ZNF654: variants seen among roughly 807,000 people sequenced by gnomAD.
The protein encoded by ZNF654 is zinc finger protein 654.
In ZNF654, 19 loss-of-function variants were observed where a neutral mutation model predicts 95.3. The ratio of observed to expected loss-of-function variants is 0.20; its 90% CI spans 0.14 to 0.29. ZNF654 has a LOEUF of 0.29. Among genes scored for constraint, ZNF654 ranks in the 10% least tolerant of loss-of-function variants. The pLI is 1.00. For missense variants in ZNF654, 1,046 were observed against 1,341.0 expected (o/e 0.78, Z 3.44); for synonymous variants, 413 against 457.9 (o/e 0.90, Z 1.25).
At chr3:88,119,278 C>T (rs944201659) in intron 3 of ZNF654, among the ~76,000 whole-genome samples, 7 of 145,512 alleles carry the variant, frequency 4.8e-5, no homozygotes, top group African/African-American at 1.0e-4. Flanking sequence ...AGTAAACTAT[C>T]GCAAGAACAA....
At chr3:88,088,756 G>GGA (rs372346726) in intron 2 of ZNF654, among the ~76,000 whole-genome samples, 12,226 of 143,284 alleles carry the variant, frequency 0.085, 498 homozygotes, top group East Asian at 0.14. Context: ...ATGTATGTAT[G>GGA]TATGTATGGA....
intron 1 of ZNF654, among the ~76,000 whole-genome samples, chr3:88,075,798 A>G (rs1707769058): frequency 6.6e-6 from 1 of 151,410 alleles, no homozygotes; most frequent in Non-Finnish European, 1.5e-5. Context: ...TATCTCTTGT[A>G]GTGTCTTCCG....
chr3:88,120,625 A>T (rs1705708906), intron 3 of ZNF654, among the ~76,000 whole-genome samples: 2 of 152,122 alleles, frequency 1.3e-5, no homozygotes, highest in African/African-American at 4.8e-5. Context: ...AATACCTAAG[A>T]CCAGGGTCTC....
chr3:88,074,862 C>T (rs559954428), intron 1 of ZNF654, among the ~76,000 whole-genome samples: 11 of 152,108 alleles, frequency 7.2e-5, no homozygotes, highest in Non-Finnish European at 1.6e-4. Context: ...TAAACCTCAC[C>T]AGGCTCACCA....
In ZNF654 at chr3:88,059,439, T is replaced by A. The variant is rs1247840831; in HGVS notation, c.120T>A (p.Ala40=). Residue 40 remains alanine, a synonymous_variant, in exon 1 of 9, where the codon GCT becomes GCA. Coordinates refer to ENST00000636215, the MANE Select transcript of ZNF654 (RefSeq NM_001350134.2). Reference sequence around the variant, plus strand: ...CTGCGGGCGACGGCAGAGGCGGCGCTGGCAGCGGCAACTGCGGCGGCGGCG... The same window carrying A: ...CTGCGGGCGACGGCAGAGGCGGCGCAGGCAGCGGCAACTGCGGCGGCGGCG... The part of the protein sequence containing the change: ...LRAAGDGRGG[A]GSGNCGGGVG... 7.9e-6 allele frequency: 12 copies of A among 1,521,072 alleles called. No individual in the cohort carries two copies. In the African/African-American group the frequency reaches 1.5e-4, roughly 19 times the overall value. 94.2% of individuals were successfully genotyped at this position (1,521,072 alleles called of 1,614,324 possible). A position where few individuals can be genotyped will look rare whatever the true frequency, so the allele number is the denominator to read the frequency against.
intron 3 of ZNF654, among the ~76,000 whole-genome samples, chr3:88,117,244 C>T (rs1705468848): frequency 6.6e-6 from 1 of 152,090 alleles, no homozygotes; most frequent in African/African-American, 2.4e-5. Context: ...TACTTACAGA[C>T]ATAACTTGAT....
rs6551276 is a variant in ZNF654 at position 88,143,334 on chromosome 3, T to C, written c.*1682T>C. 142,005 of 152,292 alleles carry C rather than the reference T, an allele frequency of 0.93. 66,334 individuals carry two copies. The highest frequency in any genetic ancestry group is 0.98 in the African/African-American group (40,798 of 41,546). 9.4% of individuals were successfully genotyped at this position (152,292 alleles called of 1,614,324 possible). A position where few individuals can be genotyped will look rare whatever the true frequency, so the allele number is the denominator to read the frequency against. On this transcript the variant is annotated 3_prime_UTR_variant, in exon 9 of 9. Coordinates refer to ENST00000636215, the MANE Select transcript of ZNF654 (RefSeq NM_001350134.2). ...AAATTTGTTTCTGTTATGTAGCCTATATTAGGCTGTGGAATTTACATTTAG... is the reference window on the plus strand; with the variant it reads ...AAATTTGTTTCTGTTATGTAGCCTACATTAGGCTGTGGAATTTACATTTAG...
At chr3:88,060,347 A>C (rs1410040165) in intron 1 of ZNF654, among the ~76,000 whole-genome samples, 2 of 152,192 alleles carry the variant, frequency 1.3e-5, no homozygotes, top group Non-Finnish European at 2.9e-5. Context: ...AAGTGTTTGT[A>C]ATCAAATATA....
chr3:88,126,824 G>T (rs1404617471), intron 4 of ZNF654, among the ~76,000 whole-genome samples: 3 of 151,998 alleles, frequency 2.0e-5, no homozygotes, highest in African/African-American at 7.2e-5. Flanking sequence ...CTAACTGAAT[G>T]AATAAATTTG....
intron 2 of ZNF654, among the ~76,000 whole-genome samples, chr3:88,100,455 C>T (rs966962626): frequency 1.3e-5 from 2 of 152,168 alleles, no homozygotes; most frequent in Non-Finnish European, 2.9e-5. Context: ...CCATTTGACC[C>T]AGCCATCCCA....
At chr3:88,070,619 T>C (rs1314225132) in intron 1 of ZNF654, among the ~76,000 whole-genome samples, 1 of 150,706 alleles carries the variant, frequency 6.6e-6, no homozygotes, top group Non-Finnish European at 1.5e-5. Context: ...GCCCATTTAA[T>C]TTTATATACT....
At chr3:88,088,744 T>TTATG (rs10574923) in intron 2 of ZNF654, among the ~76,000 whole-genome samples, 57 of 148,628 alleles carry the variant, frequency 3.8e-4, no homozygotes, top group African/African-American at 1.1e-3. Flanking sequence ...AAACCTTTAT[T>TTATG]TATGTATGTA....
intron 2 of ZNF654, among the ~76,000 whole-genome samples, chr3:88,100,801 G>T (rs946822810): frequency 1.3e-5 from 2 of 152,084 alleles, no homozygotes; most frequent in African/African-American, 4.8e-5. Context: ...CACACAGCGG[G>T]GCCTGTCATG....
In ZNF654 at chr3:88,138,764, C is replaced by T. The variant is rs1170999130; in HGVS notation, c.1095C>T (p.Asp365=). The T allele has an allele frequency of 2.4e-6, 3 of 1,231,882 alleles. No individual in the cohort carries two copies. In the South Asian group the frequency reaches 1.2e-4, roughly 51 times the overall value. The allele number at this position is 1,231,882 out of a possible 1,614,324, so 76.3% of individuals were successfully genotyped here. A position where few individuals can be genotyped will look rare whatever the true frequency, so the allele number is the denominator to read the frequency against. ...VEICGCALQL[D]LHDDPKTKCL... ...TATGTGGTTGTGCTCTACAACTCGA[C>T]CTTCATGATGATCCCAAAACTAAAT... The change falls in exon 8 of 9, where the codon GAC becomes GAT. Residue 365 remains aspartate, a synonymous_variant. Transcript: ENST00000636215.
At chr3:88,129,067 C>CAAA in intron 5 of ZNF654, 56 bp downstream of exon 5, 2 of 1,036,172 alleles carry the variant, frequency 1.9e-6, no homozygotes, top group Non-Finnish European at 2.6e-6. Context: ...AAAAAAAAAC[C>CAAA]AAAAAAAAAA....
intron 1 of ZNF654, among the ~76,000 whole-genome samples, chr3:88,081,964 A>C (rs1253176681): frequency 2.0e-5 from 3 of 152,176 alleles, no homozygotes; most frequent in African/African-American, 4.8e-5. Flanking sequence ...AGACTAACCT[A>C]ATGTGTTTTA....
At chr3:88,134,657 A>C (rs1706664456) in intron 6 of ZNF654, among the ~76,000 whole-genome samples, 1 of 152,140 alleles carries the variant, frequency 6.6e-6, no homozygotes, top group Non-Finnish European at 1.5e-5. Context: ...TTGAAAATGA[A>C]AAATATGAAC....
At chr3:88,063,427 G>T (rs1234991209) in intron 1 of ZNF654, among the ~76,000 whole-genome samples, 2 of 152,116 alleles carry the variant, frequency 1.3e-5, no homozygotes, top group African/African-American at 4.8e-5. Flanking sequence ...AAGAGAGTTT[G>T]TCCCATGGTA....
chr3:88,061,611 G>A (rs1263625921), intron 1 of ZNF654, among the ~76,000 whole-genome samples: 1 of 152,044 alleles, frequency 6.6e-6, no homozygotes, highest in Non-Finnish European at 1.5e-5. Flanking sequence ...TTATATTAAA[G>A]CTTTTAGATG....
Sources: gnomAD v4.1 joint callset for allele counts (sites outside exome capture counted in the v4.1 genomes callset) on GRCh38, gnomAD v4.1.1 for gene constraint, MANE v1.5 for transcripts, NCBI Gene and HGNC (gene_info 2026-07-23, HGNC 2026-07-21) for gene names.